Variants in PIK3C2A observed in about 807,000 individuals in gnomAD.
PIK3C2A encodes phosphatidylinositol-4-phosphate 3-kinase catalytic subunit type 2 alpha.
Under a neutral mutation model 204.5 loss-of-function variants are expected in PIK3C2A, and 97 were observed. The observed-to-expected ratio is 0.47, with a 90% confidence interval of 0.40 to 0.56. The LOEUF (loss-of-function observed/expected upper bound fraction) is 0.56, where lower values mean the gene tolerates loss of function less well. Among genes scored for constraint, PIK3C2A ranks in the 20% least tolerant of loss-of-function variants. The pLI, the probability that PIK3C2A is intolerant of heterozygous loss-of-function variation, is 0.00. For synonymous variants in PIK3C2A, 653 were observed against 664.4 expected (o/e 0.98, Z 0.26); for missense variants, 1,735 against 1,969.2 (o/e 0.88, Z 2.25).
chr11:17,167,517 A>C (rs2137482320), intron 2 of PIK3C2A, among the ~76,000 whole-genome samples: 1 of 152,300 alleles, frequency 6.6e-6, no homozygotes, highest in South Asian at 2.1e-4. Flanking sequence ...GCTACTTAGG[A>C]AGCTGAGGCA....
chr11:17,143,131 A>G (rs1850120336), intron 8 of PIK3C2A, among the ~76,000 whole-genome samples: 1 of 152,106 alleles, frequency 6.6e-6, no homozygotes, highest in Non-Finnish European at 1.5e-5. Flanking sequence ...CCAGCTTACC[A>G]GAGATATTCA....
Position 17,148,671 on chromosome 11 carries a change from G to T in PIK3C2A, c.1444C>A (p.Gln482Lys). The T allele has an allele frequency of 6.2e-7, 1 of 1,612,678 alleles. No homozygotes were observed. The highest frequency in any genetic ancestry group is 8.5e-7 in the Non-Finnish European group (1 of 1,179,346). ...LKVCGQEEVL[Q>K]NNHCLGSHEH... The stretch of plus-strand genomic sequence containing the variant: ...TCAGTAGTTAAATAAACTTACTTCT[G>T]CAGCACTTCCTCTTGACCACAAACT... The change falls in exon 5 of 33, where the codon CAG (glutamine) becomes AAG (lysine). Residue 482 changes from glutamine (Q) to lysine (K), a missense_variant. This residue lies in a region of PIK3C2A where 13 missense variants were observed against 41.1 expected (regional missense o/e 0.32). Coordinates refer to ENST00000691414, the MANE Select transcript of PIK3C2A (RefSeq NM_002645.4).
In PIK3C2A at chr11:17,091,522, A is replaced by G; in HGVS notation, c.4752+25T>C. The G allele has an allele frequency of 3.7e-6, 6 of 1,608,824 alleles. No homozygotes were observed. In the South Asian group the frequency reaches 6.6e-5, roughly 18 times the overall value. On this transcript the variant is annotated intron_variant, in intron 31 of 32. Coordinates refer to ENST00000691414, the MANE Select transcript of PIK3C2A (RefSeq NM_002645.4). ...TACCAAGGTAAGGGTTTCCTCTACA[A>G]CCATCATTCTTTGTAATCACTCACA...
chr11:17,127,857 T>C (rs946981664), intron 13 of PIK3C2A, among the ~76,000 whole-genome samples: 7 of 152,178 alleles, frequency 4.6e-5, no homozygotes. Flanking sequence ...TCAAAAGATA[T>C]ATTCTAGAAC....
chr11:17,113,171 C>T (rs1444149655), intron 20 of PIK3C2A, among the ~76,000 whole-genome samples: 1 of 152,054 alleles, frequency 6.6e-6, no homozygotes, highest in Non-Finnish European at 1.5e-5. Context: ...GCCACCACAC[C>T]CGGCTAATTT....
intron 1 of PIK3C2A, among the ~76,000 whole-genome samples, chr11:17,206,745 C>T (rs1358060773): frequency 1.3e-5 from 2 of 152,192 alleles, no homozygotes; most frequent in African/African-American, 4.8e-5. Context: ...TCTACTATGT[C>T]TTCACCGTTC....
chr11:17,198,342 T>C (rs972272094), intron 1 of PIK3C2A, among the ~76,000 whole-genome samples: 20 of 136,644 alleles, frequency 1.5e-4, no homozygotes, highest in Middle Eastern at 3.6e-3. Flanking sequence ...ACTCCTGACC[T>C]CAGGTGATCC....
chr11:17,131,419 ATTT>A (rs68020564), intron 12 of PIK3C2A, among the ~76,000 whole-genome samples: 8 of 79,462 alleles, frequency 1.0e-4, no homozygotes, highest in Admixed American at 1.5e-4. Context: ...AGGGTATTTC[ATTT>A]TTTTTTTTTT....
chr11:17,095,411 T>TAAAAAAAAA (rs1225897360), intron 27 of PIK3C2A, among the ~76,000 whole-genome samples: 1 of 110,172 alleles, frequency 9.1e-6, no homozygotes, highest in Non-Finnish European at 1.8e-5. Flanking sequence ...CTGTCTCTAC[T>TAAAAAAAAA]AAAAAAAAAA....
At chr11:17,153,275 T>C (rs1850477164) in intron 3 of PIK3C2A, among the ~76,000 whole-genome samples, 1 of 151,646 alleles carries the variant, frequency 6.6e-6, no homozygotes, top group Non-Finnish European at 1.5e-5. Context: ...CTACTAAAAA[T>C]ACAAAAAAAA....
intron 1 of PIK3C2A, among the ~76,000 whole-genome samples, chr11:17,178,880 C>T (rs928305338): frequency 1.3e-5 from 2 of 151,300 alleles, no homozygotes; most frequent in African/African-American, 4.9e-5. Context: ...CAGGCGCCCG[C>T]CACCGCGCCC....
chr11:17,162,297 C>T lies in PIK3C2A; in HGVS notation c.1065+6380G>A, dbSNP rs374679254. ...TGGAGGTTGCAGTGAGCCAAGATTG[C>T]ATCACTGCACTCCAGCCTGGGCGAC... is the stretch of plus-strand genomic sequence containing the variant. On this transcript the variant is annotated intron_variant, in intron 2 of 32. Transcript: ENST00000691414. Among the ~76,000 whole-genome samples, 3 of 149,788 alleles carry T rather than the reference C, an allele frequency of 2.0e-5. No individual in the cohort carries two copies. In the South Asian group the frequency reaches 6.3e-4, roughly 31 times the overall value.
At chr11:17,133,088 C>T (rs908031419) in intron 11 of PIK3C2A, among the ~76,000 whole-genome samples, 3 of 152,182 alleles carry the variant, frequency 2.0e-5, no homozygotes, top group Admixed American at 2.0e-4. Flanking sequence ...TCACACAATA[C>T]CCCTAAGCAA....
chr11:17,162,103 A>G (rs1012423392), intron 2 of PIK3C2A, among the ~76,000 whole-genome samples: 1 of 152,176 alleles, frequency 6.6e-6, no homozygotes, highest in Non-Finnish European at 1.5e-5. Flanking sequence ...TGGGAGGCTG[A>G]GGTGGGTGGA....
At chr11:17,201,519 C>T (rs1852377939) in intron 1 of PIK3C2A, among the ~76,000 whole-genome samples, 1 of 117,702 alleles carries the variant, frequency 8.5e-6, no homozygotes, top group Admixed American at 9.9e-5. Context: ...GAACGTGACT[C>T]CGTCTCAAAA....
At chr11:17,190,565 ACT>A (rs1851905847) in intron 1 of PIK3C2A, among the ~76,000 whole-genome samples, 1 of 133,220 alleles carries the variant, frequency 7.5e-6, no homozygotes, top group African/African-American at 2.9e-5. Flanking sequence ...ACAGAGCAAG[ACT>A]CTGTCTCAAA....
At chr11:17,178,746 G>A (rs1286008329) in intron 1 of PIK3C2A, among the ~76,000 whole-genome samples, 10 of 123,402 alleles carry the variant, frequency 8.1e-5, no homozygotes, top group South Asian at 7.9e-4. Flanking sequence ...TTTTTGAGAC[G>A]GAGTCTCGCT....
intron 8 of PIK3C2A, among the ~76,000 whole-genome samples, chr11:17,145,014 G>A (rs541674740): frequency 8.6e-5 from 13 of 151,614 alleles, no homozygotes; most frequent in East Asian, 3.9e-4. Flanking sequence ...CATTTGGAAC[G>A]GCTGTATTTA....
intron 2 of PIK3C2A, among the ~76,000 whole-genome samples, chr11:17,166,836 C>G (rs899581240): frequency 5.3e-5 from 8 of 152,160 alleles, no homozygotes; most frequent in African/African-American, 1.9e-4. Context: ...ATTCATTTCT[C>G]TCATGAGAAA....
Sources: allele counts gnomAD v4.1 joint callset (sites outside exome capture counted in the v4.1 genomes callset), GRCh38; gene constraint gnomAD v4.1.1; regional missense constraint gnomAD v4.1.1; transcripts MANE v1.5; gene names NCBI Gene and HGNC (gene_info 2026-07-23, HGNC 2026-07-21).